The following RUFY3 variants were observed in gnomAD, a reference collection of about 807,000 sequenced individuals.
RUFY3 encodes RUN and FYVE domain containing 3, also known as protein RUFY3.
Under a neutral mutation model 84.0 loss-of-function variants are expected in RUFY3, and 34 were observed. That is an observed-to-expected ratio of 0.40 (90% confidence interval 0.31 to 0.54). The LOEUF is 0.54. RUFY3 is among the 20% of genes least tolerant of loss of function. The pLI is 0.39. For missense variants in RUFY3, 507 were observed against 736.8 expected (o/e 0.69, Z 3.61); for synonymous variants, 242 against 252.9 (o/e 0.96, Z 0.41).
chr4:70,757,595 A>T (rs1724253821), intron 1 of RUFY3, among the ~76,000 whole-genome samples: 1 of 152,174 alleles, frequency 6.6e-6, no homozygotes, highest in Admixed American at 6.5e-5. Context: ...CAAGAGTGAA[A>T]CTCCATCTGA....
rs555107504 is a variant in RUFY3, at chr4:70,762,437, G to A, written c.179-82G>A. The stretch of plus-strand genomic sequence containing the variant: ...TTTTTTTTCACAGTGAGTACATGGT[G>A]GAGAAGAATACAACTAATACTGAAT... On this transcript the variant is annotated intron_variant, in intron 1 of 17. Coordinates refer to ENST00000381006, the MANE Select transcript of RUFY3 (RefSeq NM_001037442.4). The A allele has an allele frequency of 7.9e-6, 10 of 1,266,486 alleles. No individual in the cohort carries two copies. The South Asian group carries it at 1.2e-4, about 15-fold the overall frequency. 78.5% of individuals were successfully genotyped at this position (1,266,486 alleles called of 1,614,324 possible).
intron 1 of RUFY3, among the ~76,000 whole-genome samples, chr4:70,708,764 G>C (rs1468002606): frequency 1.3e-5 from 2 of 152,164 alleles, no homozygotes; most frequent in Non-Finnish European, 2.9e-5. Flanking sequence ...AAATGTGTGA[G>C]ACTGGAACGG....
At chr4:70,764,976 A>C (rs1171796891) in intron 4 of RUFY3, among the ~76,000 whole-genome samples, 1 of 152,092 alleles carries the variant, frequency 6.6e-6, no homozygotes. Context: ...ACTTGAGGCC[A>C]GGAGTCTGAG....
intron 1 of RUFY3, among the ~76,000 whole-genome samples, chr4:70,733,137 G>GGAGAGAGAGAGAGA (rs778346957): frequency 6.9e-5 from 6 of 86,688 alleles, no homozygotes; most frequent in East Asian, 4.2e-4. Context: ...AGGGAGGGAG[G>GGAGAGAGAGAGAGA]GAGAGAGAGA....
In RUFY3 at chr4:70,760,352, G is replaced by A. The variant is rs557549135; in HGVS notation, c.179-2167G>A. On this transcript the variant is annotated intron_variant, in intron 1 of 17. Transcript: ENST00000381006. ...GTTCTCACTACGTTGGAATCAGCTT[G>A]TAAACTTTGACTAGCAGCATTGTTT... Among the ~76,000 whole-genome samples the A allele has an allele frequency of 1.3e-4, 20 of 152,294 alleles. No individual in the cohort carries two copies. The South Asian group carries it at 3.9e-3, about 30-fold the overall frequency.
intron 6 of RUFY3, among the ~76,000 whole-genome samples, chr4:70,773,899 T>G (rs193271263): frequency 1.1e-4 from 17 of 152,312 alleles, no homozygotes; most frequent in Admixed American, 1.1e-3. Context: ...AGTCGCATTC[T>G]CAGTTTGCTT....
intron 1 of RUFY3, among the ~76,000 whole-genome samples, chr4:70,753,523 T>C (rs1004168833): frequency 6.6e-6 from 1 of 152,212 alleles, no homozygotes; most frequent in Non-Finnish European, 1.5e-5. Flanking sequence ...TCTAGGCCAG[T>C]GCTTCTCAAA....
At chr4:70,748,194 G>T (rs1017658664) in intron 1 of RUFY3, among the ~76,000 whole-genome samples, 23 of 152,234 alleles carry the variant, frequency 1.5e-4, no homozygotes, top group African/African-American at 5.3e-4. Context: ...GGTTCCCATT[G>T]CTTCCTCCAT....
intron 17 of RUFY3, among the ~76,000 whole-genome samples, chr4:70,806,303 C>T (rs1732838636): frequency 6.6e-6 from 1 of 152,188 alleles, no homozygotes; most frequent in Non-Finnish European, 1.5e-5. Flanking sequence ...ATTTTTAACT[C>T]TATGGCACTG....
At chr4:70,778,248 TAATAA>T (rs1409921913) in intron 7 of RUFY3, 116 bp from the exon 8 acceptor site, 7 of 408,316 alleles carry the variant, frequency 1.7e-5, no homozygotes, top group South Asian at 7.3e-5. Flanking sequence ...ATAATAATAA[TAATAA>T]AATAAAAAAT....
chr4:70,784,438 G>T (rs1729451820), intron 9 of RUFY3, among the ~76,000 whole-genome samples: 1 of 151,860 alleles, frequency 6.6e-6, no homozygotes, highest in Non-Finnish European at 1.5e-5. Context: ...AGCAGAGATT[G>T]AGCCACTGCA....
intron 12 of RUFY3, chr4:70,793,376 G>A: frequency 3.8e-6 from 4 of 1,046,522 alleles, no homozygotes; most frequent in Non-Finnish European, 4.6e-6. Flanking sequence ...CCAGTTATGT[G>A]TGTAAAACAG....
chr4:70,787,043 G>T (rs1729930121), intron 10 of RUFY3, among the ~76,000 whole-genome samples: 1 of 150,628 alleles, frequency 6.6e-6, no homozygotes, highest in Non-Finnish European at 1.5e-5. Flanking sequence ...GATAGTACAT[G>T]CCTGTATTCC....
chr4:70,775,037 T>C, intron 6 of RUFY3, 131 bp from the exon 7 acceptor site: 1 of 554,824 alleles, frequency 1.8e-6, no homozygotes, highest in Non-Finnish European at 3.2e-6. Context: ...ATCAAATCTG[T>C]CTTATGGTTC....
chr4:70,715,632 C>T (rs1466860011), intron 1 of RUFY3, among the ~76,000 whole-genome samples: 2 of 132,252 alleles, frequency 1.5e-5, no homozygotes, highest in African/African-American at 5.6e-5. Context: ...TTCATGCTAA[C>T]AGCAACTAGT....
chr4:70,703,938 G>A (rs1739965608), upstream of RUFY3: 1 of 152,230 alleles, frequency 6.6e-6, no homozygotes, highest in Admixed American at 6.5e-5. Context: ...AATCAGCTAG[G>A]AATCCAGGAT....
chr4:70,741,784 T>C (rs1234964028), intron 1 of RUFY3: 1 of 788,992 alleles, frequency 1.3e-6, no homozygotes, highest in Non-Finnish European at 1.8e-6. Context: ...GCTTTAGGTT[T>C]TATTTCCCAT....
At chr4:70,704,959 C>T in exon 1 of RUFY3, 1 of 1,227,922 alleles carries the variant, frequency 8.1e-7, no homozygotes, top group Non-Finnish European at 1.0e-6. Context: ...CCGCCGCCGC[C>T]CACCGCTGGT....
chr4:70,799,597 GAC>G (rs1160828952), intron 14 of RUFY3: 1 of 153,050 alleles, frequency 6.5e-6, no homozygotes, highest in Non-Finnish European at 1.5e-5. Flanking sequence ...AGGAGGCTGA[GAC>G]ACAAGAATCG....
Sources: allele counts gnomAD v4.1 joint callset (sites outside exome capture counted in the v4.1 genomes callset), GRCh38; gene constraint gnomAD v4.1.1; transcripts MANE v1.5; gene names NCBI Gene and HGNC (gene_info 2026-07-23, HGNC 2026-07-21).